The following GRIK2 variants were observed in gnomAD, a reference collection of about 807,000 sequenced individuals.
GRIK2 encodes glutamate receptor ionotropic, kainate 2.
In GRIK2, 32 loss-of-function variants were observed where a neutral mutation model predicts 100.3. That is an observed-to-expected ratio of 0.32 (90% CI 0.24 to 0.43). GRIK2 has a LOEUF of 0.43. Ranked by LOEUF, GRIK2 falls within the 20% of genes least tolerant of loss-of-function variation. The probability of loss-of-function intolerance (pLI) is 1.00; values close to 1 mark genes in which losing one functional copy is unlikely to be tolerated. For missense variants in GRIK2, 843 were observed against 1,114.9 expected (o/e 0.76, Z 3.47); for synonymous variants, 417 against 389.4 (o/e 1.07, Z -0.83).
At chr6:101,497,602 C>T (rs548915321) in intron 2 of GRIK2, among the ~76,000 whole-genome samples, 1 of 152,138 alleles carries the variant, frequency 6.6e-6, no homozygotes, top group South Asian at 2.1e-4. Context: ...TACTATACAT[C>T]TTGTTATTGC....
At chr6:101,571,143 A>G (rs1031590567) in intron 2 of GRIK2, among the ~76,000 whole-genome samples, 3 of 152,104 alleles carry the variant, frequency 2.0e-5, no homozygotes, top group African/African-American at 7.2e-5. Flanking sequence ...TTAAAAATAA[A>G]CAGTTTGCAA....
chr6:101,401,036 A>G (rs1035994326), intron 2 of GRIK2, among the ~76,000 whole-genome samples: 6 of 152,206 alleles, frequency 3.9e-5, no homozygotes, highest in Non-Finnish European at 7.3e-5. Flanking sequence ...TGTTTTCAGC[A>G]GTTAGGCTTC....
At chr6:101,754,688 G>C (rs1472244331) in intron 7 of GRIK2, among the ~76,000 whole-genome samples, 1 of 152,184 alleles carries the variant, frequency 6.6e-6, no homozygotes. Context: ...ACATAGCTGA[G>C]GCTCCTTACT....
chr6:102,061,178 T>C (rs1771731556), intron 16 of GRIK2, among the ~76,000 whole-genome samples: 1 of 150,668 alleles, frequency 6.6e-6, no homozygotes, highest in African/African-American at 2.4e-5. Context: ...CATTTGTTTA[T>C]GATAACCCAT....
intron 14 of GRIK2, among the ~76,000 whole-genome samples, chr6:102,008,930 T>G (rs1192742948): frequency 6.6e-6 from 1 of 152,098 alleles, no homozygotes; most frequent in Non-Finnish European, 1.5e-5. Context: ...ATGTCCATAG[T>G]TAAATTATGT....
intron 14 of GRIK2, 146 bp from the exon 15 acceptor site, chr6:102,035,193 GTA>G (rs139440547): frequency 0.065 from 13,920 of 214,880 alleles, 5 homozygotes; most frequent in East Asian, 0.11. Flanking sequence ...GACTTTTTTG[GTA>G]TATATATATA....
chr6:101,817,175 A>G (rs2128421309), intron 9 of GRIK2, among the ~76,000 whole-genome samples: 1 of 152,242 alleles, frequency 6.6e-6, no homozygotes, highest in South Asian at 2.1e-4. Context: ...GAATTACTTG[A>G]CTTTTTCCTT....
intron 10 of GRIK2, among the ~76,000 whole-genome samples, chr6:101,838,202 A>T (rs1783263602): frequency 6.6e-6 from 1 of 152,216 alleles, no homozygotes; most frequent in African/African-American, 2.4e-5. Context: ...TTCTTCATCA[A>T]ACTTAAGCAT....
At chr6:101,605,899 C>T (rs533858256) in intron 2 of GRIK2, among the ~76,000 whole-genome samples, 32 of 151,906 alleles carry the variant, frequency 2.1e-4, no homozygotes, top group Non-Finnish European at 3.8e-4. Flanking sequence ...AATATAATTA[C>T]TGGATTATTT....
chr6:101,865,303 G>A (rs1167913017), intron 11 of GRIK2, among the ~76,000 whole-genome samples: 2 of 152,188 alleles, frequency 1.3e-5, no homozygotes, highest in Non-Finnish European at 2.9e-5. Flanking sequence ...ATTGCAATTG[G>A]TATTTAATAT....
intron 2 of GRIK2, among the ~76,000 whole-genome samples, chr6:101,473,419 G>A (rs1395395286): frequency 6.6e-6 from 1 of 151,604 alleles, no homozygotes; most frequent in Non-Finnish European, 1.5e-5. Context: ...AACAATTAGA[G>A]TGTCATTCTT....
chr6:101,760,126 C>T (rs1307143722), intron 7 of GRIK2, among the ~76,000 whole-genome samples: 1 of 145,466 alleles, frequency 6.9e-6, no homozygotes, highest in African/African-American at 2.7e-5. Flanking sequence ...GCCTCGGCCT[C>T]CCAAAGTGCT....
intron 2 of GRIK2, among the ~76,000 whole-genome samples, chr6:101,455,223 A>C (rs1326650357): frequency 2.0e-5 from 3 of 152,202 alleles, no homozygotes; most frequent in East Asian, 3.9e-4. Context: ...CATTTTGTGC[A>C]TATAAAAGAG....
At chr6:101,967,712 G>C (rs1004979373) in intron 14 of GRIK2, among the ~76,000 whole-genome samples, 4 of 150,986 alleles carry the variant, frequency 2.6e-5, no homozygotes, top group Non-Finnish European at 4.4e-5. Context: ...TGAGATCTAC[G>C]CAAACAGGTA....
chr6:101,793,872 G>A (rs989417930), intron 7 of GRIK2, among the ~76,000 whole-genome samples: 1 of 152,178 alleles, frequency 6.6e-6, no homozygotes, highest in Non-Finnish European at 1.5e-5. Context: ...CCCAGTTCAA[G>A]CTTCCTGGCT....
chr6:101,607,784 C>A (rs1328544168), intron 2 of GRIK2, among the ~76,000 whole-genome samples: 1 of 151,788 alleles, frequency 6.6e-6, no homozygotes, highest in African/African-American at 2.4e-5. Context: ...GAACCAAGAG[C>A]CTTTTGGGTA....
intron 11 of GRIK2, among the ~76,000 whole-genome samples, chr6:101,864,123 G>A (rs1301177349): frequency 1.4e-5 from 2 of 139,560 alleles, no homozygotes; most frequent in South Asian, 2.3e-4. Flanking sequence ...CGGCCTGGGC[G>A]ACAGAGCGAG....
At chr6:101,873,429 C>T (rs1036957400) in intron 11 of GRIK2, among the ~76,000 whole-genome samples, 1 of 151,854 alleles carries the variant, frequency 6.6e-6, no homozygotes, top group African/African-American at 2.4e-5. Context: ...ATGAACTCAT[C>T]CTTTTTTATG....
At chr6:101,828,784 A>AC (rs1489045735) in intron 10 of GRIK2, among the ~76,000 whole-genome samples, 5 of 151,808 alleles carry the variant, frequency 3.3e-5, no homozygotes, top group Non-Finnish European at 5.9e-5. Flanking sequence ...TTGCTGATCA[A>AC]CCCAAAAAGC....
Sources: allele counts gnomAD v4.1 joint callset (sites outside exome capture counted in the v4.1 genomes callset), GRCh38; gene constraint gnomAD v4.1.1; transcripts MANE v1.5; gene names NCBI Gene and HGNC (gene_info 2026-07-23, HGNC 2026-07-21).